The following MYO5A variants were observed in gnomAD, a reference collection of about 807,000 sequenced individuals.
The protein encoded by MYO5A is myosin VA.
In MYO5A, 98 loss-of-function variants were observed where a neutral mutation model predicts 249.7. The observed-to-expected ratio is 0.39, with a 90% confidence interval of 0.33 to 0.46. MYO5A has a LOEUF of 0.46. MYO5A is among the 20% of genes least tolerant of loss of function. MYO5A has a pLI of 0.98. For missense variants in MYO5A, 1,696 were observed against 2,308.8 expected (o/e 0.73, Z 5.44); for synonymous variants, 778 against 810.6 (o/e 0.96, Z 0.68).
rs75470180 is a variant in MYO5A, at chr15:52,308,403, G to C, written c.*5293C>G. ...TTTTACTCAACCTTTTATAGTACAGGGTTCTTAAAAAATTTTGAAAAGAAT... is the reference window on the plus strand; with the variant it reads ...TTTTACTCAACCTTTTATAGTACAGCGTTCTTAAAAAATTTTGAAAAGAAT... On this transcript the variant is annotated 3_prime_UTR_variant, in exon 42 of 42. Coordinates refer to ENST00000399233, the MANE Select transcript of MYO5A (RefSeq NM_001382347.1). The C allele has an allele frequency of 5.3e-3, 813 of 152,132 alleles. 9 individuals are homozygous for C. The highest frequency in any genetic ancestry group is 0.019 in the African/African-American group (780 of 41,476). 9.4% of individuals were successfully genotyped at this position (152,132 alleles called of 1,614,324 possible).
rs1228854448 is a variant in MYO5A, at chr15:52,416,293, C to A, written c.464G>T (p.Arg155Leu). The A allele has an allele frequency of 6.2e-7, 1 of 1,613,850 alleles. No homozygotes were observed. Among genetic ancestry groups the A allele is most frequent in the South Asian group, 1.1e-5 (1 of 91,068 alleles). The change falls in exon 5 of 42, where the codon CGA becomes CTA. Residue 155 changes from arginine to leucine, a missense_variant. This residue lies in a region of MYO5A where 197 missense variants were observed against 320.3 expected (regional missense o/e 0.62). Transcript: ENST00000399233. Reference protein sequence around the residue: ...EAYKQMARDERNQSIIVSGES... With the variant: ...EAYKQMARDELNQSIIVSGES... ...TCCACTTACGATGATGGACTGATTTCGTTCATCTCTGTAAAATAAAAATTT... is the reference window on the plus strand; with the variant it reads ...TCCACTTACGATGATGGACTGATTTAGTTCATCTCTGTAAAATAAAAATTT...
intron 35 of MYO5A, 46 bp from the exon 36 acceptor site, chr15:52,328,052 A>G (rs368732314): frequency 3.4e-6 from 5 of 1,487,764 alleles, no homozygotes; most frequent in Non-Finnish European, 4.7e-6. Flanking sequence ...GAAAATTTTC[A>G]CGAGGCATGC....
intron 1 of MYO5A, among the ~76,000 whole-genome samples, chr15:52,458,871 G>A (rs1291824963): frequency 6.6e-6 from 1 of 152,002 alleles, no homozygotes. Flanking sequence ...TTAGAAATTT[G>A]AAAATATTGG....
chr15:52,318,642 C>T (rs892424174), intron 39 of MYO5A, among the ~76,000 whole-genome samples: 11 of 151,860 alleles, frequency 7.2e-5, no homozygotes, highest in African/African-American at 2.7e-4. Flanking sequence ...GGTATTTTTC[C>T]AAAAATATAT....
At chr15:52,349,913 T>TTTATGA (rs3842662) in intron 28 of MYO5A, among the ~76,000 whole-genome samples, 12,062 of 151,308 alleles carry the variant, frequency 0.08, 603 homozygotes, top group East Asian at 0.21. Context: ...GCTTAAGGGG[T>TTTATGA]TTATGATTAT....
chr15:52,352,493 C>T (rs1248035948), intron 27 of MYO5A, among the ~76,000 whole-genome samples: 1 of 152,152 alleles, frequency 6.6e-6, no homozygotes, highest in African/African-American at 2.4e-5. Flanking sequence ...TATATTAAAA[C>T]TATTTAGGCT....
At position 52,408,138 on chromosome 15, in the gene MYO5A, T is replaced by C; in HGVS notation, c.759A>G (p.Ala253=). The C allele has an allele frequency of 6.3e-7, 1 of 1,593,092 alleles. No individual in the cohort carries two copies. Among genetic ancestry groups the C allele is most frequent in the Non-Finnish European group, 8.6e-7 (1 of 1,162,664 alleles). The change falls in exon 7 of 42, where the codon GCA becomes GCG. Residue 253 remains alanine, a splice_region_variant and synonymous_variant. Transcript: ENST00000399233. The part of the protein sequence containing the change: ...LLEKSRVVFQ[A]EEERNYHIFY... ...AGATATGATAGTTTCTCTCCTCTTC[T>C]GCCTTCGAAATAAGAAGAGTTTTCA...
intron 30 of MYO5A, among the ~76,000 whole-genome samples, chr15:52,343,525 A>G (rs949694350): frequency 2.6e-5 from 4 of 152,230 alleles, no homozygotes; most frequent in Admixed American, 6.5e-5. Context: ...GATCTAATAC[A>G]TCACATATTG....
At chr15:52,483,807 T>C (rs1595768353) in intron 1 of MYO5A, among the ~76,000 whole-genome samples, 1 of 152,222 alleles carries the variant, frequency 6.6e-6, no homozygotes, top group Admixed American at 6.5e-5. Flanking sequence ...CTAATTGTGG[T>C]TCCTGAACTT....
rs2141134219 is a variant in MYO5A at position 52,383,191 on chromosome 15, G to A, written c.1915-3C>T. On this transcript the variant is annotated splice_polypyrimidine_tract_variant and splice_region_variant and intron_variant, in intron 15 of 41. Coordinates refer to ENST00000399233, the MANE Select transcript of MYO5A (RefSeq NM_001382347.1). ...AGCAGGTGCAGGGAGTTTCTGAACT[G>A]CATGAAAAAGGGCAGAAGAGGGTAT... 1 of 1,607,586 alleles carries A rather than the reference G, an allele frequency of 6.2e-7. No individual in the cohort carries two copies. Among genetic ancestry groups the A allele is most frequent in the Admixed American group, 1.7e-5 (1 of 60,004 alleles).
rs2037794643 is a variant in MYO5A at position 52,312,119 on chromosome 15, G to A, written c.*1577C>T. 6.6e-6 allele frequency: 1 copy of A among 151,922 alleles called. No individual in the cohort carries two copies. Among genetic ancestry groups the A allele is most frequent in the East Asian group, 1.9e-4 (1 of 5,198 alleles). 9.4% of individuals were successfully genotyped at this position (151,922 alleles called of 1,614,324 possible). On this transcript the variant is annotated 3_prime_UTR_variant, in exon 42 of 42. Transcript: ENST00000399233. Reference sequence around the variant, plus strand: ...TCAGAATGAAAACTTACAGAATCTGGGTCTTAATGAACCAAATCCTCTGTA... The same window carrying A: ...TCAGAATGAAAACTTACAGAATCTGAGTCTTAATGAACCAAATCCTCTGTA...
intron 16 of MYO5A, among the ~76,000 whole-genome samples, chr15:52,380,565 G>C (rs1028758644): frequency 6.8e-6 from 1 of 147,894 alleles, no homozygotes; most frequent in Non-Finnish European, 1.5e-5. Context: ...TCAGCAGTTT[G>C]AGACCAGCCT....
In MYO5A at chr15:52,340,256, T is replaced by TGGGGGCAGCTGCAGGTTC. The variant is rs1187754457; in HGVS notation, c.4161_4178dup (p.Asn1388_Pro1393dup). The TGGGGGCAGCTGCAGGTTC allele has an allele frequency of 6.2e-7, 1 of 1,613,994 alleles. No homozygotes were observed. The highest frequency in any genetic ancestry group is 8.5e-7 in the Non-Finnish European group (1 of 1,180,028). On this transcript the variant is annotated inframe_insertion, in exon 32 of 42. Coordinates refer to ENST00000399233, the MANE Select transcript of MYO5A (RefSeq NM_001382347.1). ...GCAGGCTGGCCTCAATGCGGGCCTC[T>TGGGGGCAGCTGCAGGTTC]GGGGGCAGCTGCAGGTTCTGGGCCA...
rs1230436749 is a variant in MYO5A at position 52,307,850 on chromosome 15, C to CA, written c.*5845dup. ...GCGCAATTTAAATCTCCCAAAGACA[C>CA]AAAAAAGTCAATTTTACTGCAGGAT... On this transcript the variant is annotated 3_prime_UTR_variant, in exon 42 of 42. Transcript: ENST00000399233. The CA allele has an allele frequency of 6.6e-6, 1 of 151,988 alleles. No homozygotes were observed. 9.4% of individuals were successfully genotyped at this position (151,988 alleles called of 1,614,324 possible). A position where few individuals can be genotyped will look rare whatever the true frequency, so the allele number is the denominator to read the frequency against.
chr15:52,524,553 C>CTAAATAAA (rs55753650), intron 1 of MYO5A, among the ~76,000 whole-genome samples: 31,233 of 140,358 alleles, frequency 0.22, 2,299 homozygotes, highest in Non-Finnish European at 0.29. Flanking sequence ...GACCCTGAAC[C>CTAAATAAA]TAAATAAATA....
intron 3 of MYO5A, among the ~76,000 whole-genome samples, chr15:52,427,682 T>C (rs982465935): frequency 6.6e-6 from 1 of 152,108 alleles, no homozygotes; most frequent in Non-Finnish European, 1.5e-5. Flanking sequence ...GAGTTGGATA[T>C]ACCACACGAA....
rs535173196 is a variant in MYO5A at position 52,484,595 on chromosome 15, C to A, written c.27+44185G>T. The stretch of plus-strand genomic sequence containing the variant: ...AACAAAACAACTTGGTAGAAAGAAT[C>A]AAAAATTGCAGGTATTTCCTTATTC... On this transcript the variant is annotated intron_variant, in intron 1 of 41. Transcript: ENST00000399233. 2.6e-5 allele frequency among the ~76,000 whole-genome samples: 4 copies of A among 152,232 alleles called. No homozygotes were observed. The East Asian group carries it at 7.7e-4, about 29-fold the overall frequency.
chr15:52,369,979 A>G (rs889603044), intron 22 of MYO5A, among the ~76,000 whole-genome samples, 190 bp downstream of exon 22: 12 of 151,856 alleles, frequency 7.9e-5, no homozygotes, highest in Non-Finnish European at 1.0e-4. Flanking sequence ...AAGTTCTACT[A>G]AAAGACCTAC....
chr15:52,423,169 T>G (rs1405153039), intron 4 of MYO5A, among the ~76,000 whole-genome samples: 1 of 152,164 alleles, frequency 6.6e-6, no homozygotes, highest in Non-Finnish European at 1.5e-5. Flanking sequence ...GTACCTTCCC[T>G]GAAGACATGA....
Sources: allele counts gnomAD v4.1 joint callset (sites outside exome capture counted in the v4.1 genomes callset), GRCh38; gene constraint gnomAD v4.1.1; regional missense constraint gnomAD v4.1.1; transcripts MANE v1.5; gene names NCBI Gene and HGNC (gene_info 2026-07-23, HGNC 2026-07-21).